Variants in KCTD1 observed in about 807,000 individuals in gnomAD.
KCTD1 encodes the protein potassium channel tetramerization domain containing 1.
Under a neutral mutation model 66.0 loss-of-function variants are expected in KCTD1, and 24 were observed. The observed-to-expected ratio is 0.36, with a 90% CI of 0.26 to 0.51. The LOEUF (loss-of-function observed/expected upper bound fraction) is 0.51. KCTD1 is among the 20% of genes least tolerant of loss of function. The probability of loss-of-function intolerance (pLI) is 0.95; values close to 1 mark genes in which losing one functional copy is unlikely to be tolerated. For synonymous variants in KCTD1, 511 were observed against 517.2 expected (o/e 0.99, Z 0.16); for missense variants, 943 against 1,205.2 (o/e 0.78, Z 3.22).
intron 1 of KCTD1, chr18:26,545,382 C>T (rs1288171174): frequency 6.6e-6 from 1 of 152,180 alleles, no homozygotes; most frequent in African/African-American, 2.4e-5. Flanking sequence ...ACCTGAAGTA[C>T]AGAAGACACA....
At position 26,532,261 on chromosome 18, in the gene KCTD1, C is replaced by CTTTTTTTTTTTTTT. The variant is rs533359603; in HGVS notation, c.1809+14453_1809+14466dup. Among the ~76,000 whole-genome samples the CTTTTTTTTTTTTTT allele has an allele frequency of 7.8e-4, 23 of 29,558 alleles. 1 individual carries two copies. The highest frequency in any genetic ancestry group is 1.4e-3 in the African/African-American group (22 of 15,390). 19.4% of individuals were successfully genotyped at this position (29,558 alleles called of 152,430 possible). Reference sequence around the variant, plus strand: ...CTTTTTCTTTTTCTTTTCTTTCCTTCTTTTTTTTTTTTTTTTTTTTTTTTT... The same window carrying CTTTTTTTTTTTTTT: ...CTTTTTCTTTTTCTTTTCTTTCCTTCTTTTTTTTTTTTTTTTTTTTTTTTTTTTTTTTTTTTTTT... On this transcript the variant is annotated intron_variant, in intron 1 of 4. Coordinates refer to ENST00000580059, the MANE Select transcript of KCTD1 (RefSeq NM_001142730.3).
At chr18:26,548,628 C>G, upstream of KCTD1, 1 of 1,157,054 alleles carries the variant, frequency 8.6e-7, no homozygotes, top group Non-Finnish European at 1.1e-6. Context: ...CCTTCAGCTA[C>G]CGGGAGGCAA....
At chr18:26,509,463 C>A (rs1983225411) in intron 1 of KCTD1, among the ~76,000 whole-genome samples, 1 of 151,928 alleles carries the variant, frequency 6.6e-6, no homozygotes, top group South Asian at 2.1e-4. Context: ...TTCCATATAT[C>A]TATACAATGC....
At position 26,464,669 on chromosome 18, in the gene KCTD1, C is replaced by T. The variant is rs150749042; in HGVS notation, c.2134-4744G>A. ...TAAAAACTGTGTAGGTGCCAGATGC[C>T]GTGGAAGGCACCGTGAGCACAAAAA... On this transcript the variant is annotated intron_variant, in intron 3 of 4. Transcript: ENST00000580059. Among the ~76,000 whole-genome samples, 179 of 152,326 alleles carry T rather than the reference C, an allele frequency of 1.2e-3. 9 individuals are homozygous for T. The East Asian group carries it at 0.028, about 23-fold the overall frequency.
chr18:26,509,074 C>T (rs980612490), intron 1 of KCTD1, among the ~76,000 whole-genome samples: 3 of 151,900 alleles, frequency 2.0e-5, no homozygotes, highest in Non-Finnish European at 4.4e-5. Flanking sequence ...ACCTGCCAAA[C>T]TCTATGGTCT....
chr18:26,500,439 A>T (rs1005136100), intron 2 of KCTD1, among the ~76,000 whole-genome samples: 1 of 151,904 alleles, frequency 6.6e-6, no homozygotes, highest in South Asian at 2.1e-4. Context: ...AATAATAATA[A>T]AAAAAATGGG....
intron 1 of KCTD1, among the ~76,000 whole-genome samples, chr18:26,607,172 C>T (rs556341098): frequency 2.6e-4 from 39 of 152,260 alleles, no homozygotes; most frequent in East Asian, 2.5e-3. Flanking sequence ...GTAGCTGAGA[C>T]GATAGGTGCA....
rs1045856876 is a variant in KCTD1, at chr18:26,467,139, T to TTTG, written c.2134-7215_2134-7214insCAA. On this transcript the variant is annotated intron_variant, in intron 3 of 4. Transcript: ENST00000580059. Reference sequence around the variant, plus strand: ...GTGGGAACATACGGTATAGTTTGTTTTTTTTTTTTTGGTTTGTCTATATTT... The same window carrying TTTG: ...GTGGGAACATACGGTATAGTTTGTTTTTGTTTTTTTTTTGGTTTGTCTATATTT... Among the ~76,000 whole-genome samples the TTTG allele has an allele frequency of 5.7e-4, 86 of 151,988 alleles. 1 individual carries two copies. The highest frequency in any genetic ancestry group is 2.0e-3 in the African/African-American group (81 of 41,480).
At chr18:26,654,881 T>A (rs1330502271) in intron 1 of KCTD1, among the ~76,000 whole-genome samples, 1 of 152,172 alleles carries the variant, frequency 6.6e-6, no homozygotes, top group East Asian at 1.9e-4. Flanking sequence ...GACTCCCGAG[T>A]CAAACTGTTG....
intron 1 of KCTD1, among the ~76,000 whole-genome samples, chr18:26,525,568 A>G (rs574243648): frequency 1.3e-5 from 2 of 152,302 alleles, no homozygotes; most frequent in Admixed American, 6.5e-5. Context: ...ATGCTCTCCT[A>G]TGGTCAGCCT....
chr18:26,609,014 CAA>C (rs1235369255), intron 1 of KCTD1, among the ~76,000 whole-genome samples: 1 of 152,162 alleles, frequency 6.6e-6, no homozygotes, highest in Admixed American at 6.5e-5. Flanking sequence ...GAAACAAAGA[CAA>C]GAGATTAGAG....
intron 1 of KCTD1, chr18:26,599,863 C>T: frequency 1.3e-6 from 2 of 1,551,498 alleles, no homozygotes; most frequent in Non-Finnish European, 1.8e-6. Context: ...AAGTGACAGC[C>T]TGCTGTTTGT....
At chr18:26,506,896 T>C (rs1983067220) in intron 1 of KCTD1, among the ~76,000 whole-genome samples, 1 of 152,220 alleles carries the variant, frequency 6.6e-6, no homozygotes, top group Admixed American at 6.5e-5. Context: ...CCAGGCGTGG[T>C]GGCTCACGCC....
At chr18:26,485,458 T>G (rs555153759) in intron 2 of KCTD1, among the ~76,000 whole-genome samples, 7 of 152,314 alleles carry the variant, frequency 4.6e-5, no homozygotes, top group Admixed American at 3.9e-4. Context: ...CAAAACAGAA[T>G]TCTGACTGAA....
chr18:26,620,362 A>C (rs866552605), intron 1 of KCTD1, among the ~76,000 whole-genome samples: 174 of 98,574 alleles, frequency 1.8e-3, no homozygotes, highest in Middle Eastern at 0.01. Context: ...AAAAAAAAAA[A>C]AAAAAAAAAA....
At chr18:26,530,520 G>C (rs1329318098) in intron 1 of KCTD1, among the ~76,000 whole-genome samples, 1 of 152,160 alleles carries the variant, frequency 6.6e-6, no homozygotes, top group Non-Finnish European at 1.5e-5. Context: ...CATCCACAGA[G>C]GGCACAACCT....
chr18:26,511,796 T>G (rs1313943519), intron 1 of KCTD1, among the ~76,000 whole-genome samples: 1 of 152,198 alleles, frequency 6.6e-6, no homozygotes, highest in Non-Finnish European at 1.5e-5. Flanking sequence ...TTTGCCTTGT[T>G]CCTTTCACCC....
intron 1 of KCTD1, among the ~76,000 whole-genome samples, chr18:26,571,756 G>A (rs62088563): frequency 0.13 from 19,820 of 152,030 alleles, 1,442 homozygotes; most frequent in East Asian, 0.27. Context: ...TATGGTGACC[G>A]TGCATAGTAA....
At chr18:26,501,297 A>G (rs1444781940) in intron 1 of KCTD1, 47 bp from the exon 2 acceptor site, 11 of 1,500,332 alleles carry the variant, frequency 7.3e-6, no homozygotes, top group Non-Finnish European at 1.0e-5. Flanking sequence ...TTTACAGTAG[A>G]AAGATAGGAA....
Sources: allele counts gnomAD v4.1 joint callset (sites outside exome capture counted in the v4.1 genomes callset), GRCh38; gene constraint gnomAD v4.1.1; transcripts MANE v1.5; gene names NCBI Gene and HGNC (gene_info 2026-07-23, HGNC 2026-07-21).